Variants in LAMA2 observed in about 807,000 individuals in gnomAD.
LAMA2 encodes the protein laminin subunit alpha-2.
Under a neutral mutation model 364.8 loss-of-function variants are expected in LAMA2, and 269 were observed. That is an observed-to-expected ratio of 0.74 (90% CI 0.67 to 0.82). The LOEUF is 0.82. Ranked by LOEUF, LAMA2 falls within the 40% of genes least tolerant of loss-of-function variation. The pLI is 0.00. For synonymous variants in LAMA2, 1,379 were observed against 1,370.6 expected, an observed-to-expected ratio of 1.01 and a Z score of -0.14; for missense variants, 3,807 against 3,873.2, an observed-to-expected ratio of 0.98 and a Z score of 0.45.
chr6:129,012,613 A>C (rs1784833081), intron 1 of LAMA2, among the ~76,000 whole-genome samples: 1 of 152,202 alleles, frequency 6.6e-6, no homozygotes, highest in African/African-American at 2.4e-5. Context: ...GATTATGCAA[A>C]TAAAGTTTGC....
chr6:129,097,719 C>T (rs969190451), intron 3 of LAMA2, among the ~76,000 whole-genome samples: 2 of 152,254 alleles, frequency 1.3e-5, no homozygotes, highest in African/African-American at 4.8e-5. Flanking sequence ...ATACTAACTG[C>T]CTCTAAATGG....
intron 1 of LAMA2, among the ~76,000 whole-genome samples, chr6:128,918,338 G>A (rs1273059480): frequency 2.0e-5 from 3 of 152,004 alleles, no homozygotes; most frequent in Non-Finnish European, 4.4e-5. Context: ...AAACTTTTTA[G>A]GATGTATATA....
chr6:129,507,699 CTT>C lies in LAMA2; in HGVS notation c.8857+58_8857+59del, dbSNP rs1413752571. The stretch of plus-strand genomic sequence containing the variant: ...ATTAACTAGATACAAATACTAACTT[CTT>C]GCTAGTACCAAATAATAAAAGTTCC... On this transcript the variant is annotated intron_variant, in intron 62 of 64. Transcript: ENST00000421865. The C allele has an allele frequency of 2.7e-6, 4 of 1,507,830 alleles. No individual in the cohort carries two copies. In the African/African-American group the frequency reaches 5.5e-5, roughly 21 times the overall value. 93.4% of individuals were successfully genotyped at this position (1,507,830 alleles called of 1,614,324 possible).
chr6:129,512,239 A>G, intron 62 of LAMA2, 124 bp from the exon 63 acceptor site: 4 of 901,022 alleles, frequency 4.4e-6, no homozygotes, highest in Non-Finnish European at 6.9e-6. Flanking sequence ...TCTGAAACTT[A>G]TAGCCCTCAT....
intron 35 of LAMA2, among the ~76,000 whole-genome samples, chr6:129,388,005 C>T (rs1171844016): frequency 1.3e-5 from 2 of 152,118 alleles, no homozygotes; most frequent in African/African-American, 4.8e-5. Flanking sequence ...CTCCTGTAAT[C>T]CCAGTACTTT....
chr6:129,432,668 T>G (rs1781655949), intron 41 of LAMA2, among the ~76,000 whole-genome samples: 1 of 152,134 alleles, frequency 6.6e-6, no homozygotes, highest in African/African-American at 2.4e-5. Context: ...CTATTTGTCT[T>G]ATTTAAAGGT....
intron 12 of LAMA2, among the ~76,000 whole-genome samples, chr6:129,200,074 C>T (rs1583232840): frequency 6.9e-6 from 1 of 145,330 alleles, no homozygotes; most frequent in Admixed American, 6.9e-5. Context: ...GCGAGACCCT[C>T]TCCAAAAATA....
At chr6:129,240,066 G>T (rs1156440177) in intron 12 of LAMA2, among the ~76,000 whole-genome samples, 1 of 152,154 alleles carries the variant, frequency 6.6e-6, no homozygotes, top group Non-Finnish European at 1.5e-5. Flanking sequence ...GCAAATTACT[G>T]GTGTAAGTGC....
chr6:129,251,845 G>C (rs1786269279), intron 13 of LAMA2, among the ~76,000 whole-genome samples: 1 of 152,138 alleles, frequency 6.6e-6, no homozygotes, highest in African/African-American at 2.4e-5. Context: ...TGAGGCATGA[G>C]AATCGCTTGA....
chr6:129,122,517 A>T (rs1029626029), intron 4 of LAMA2, among the ~76,000 whole-genome samples: 6 of 152,218 alleles, frequency 3.9e-5, no homozygotes, highest in Non-Finnish European at 8.8e-5. Context: ...ACCCTGTATC[A>T]CTAGACAGAA....
chr6:129,469,402 C>CACCATGTAATTCTA (rs1457532462), intron 51 of LAMA2, among the ~76,000 whole-genome samples: 7 of 151,798 alleles, frequency 4.6e-5, no homozygotes, highest in African/African-American at 1.7e-4. Context: ...CATGTGATAC[C>CACCATGTAATTCTA]ATTACACAGC....
In LAMA2 at chr6:129,439,024, A is replaced by G. The variant is rs11154477; in HGVS notation, c.6085+262A>G. ...AGGAAGATATAGACATCTTATTATTATAAAACTCATCCTTCAGTATTGGCA... is the reference window on the plus strand; with the variant it reads ...AGGAAGATATAGACATCTTATTATTGTAAAACTCATCCTTCAGTATTGGCA... On this transcript the variant is annotated intron_variant, in intron 42 of 64. Coordinates refer to ENST00000421865, the MANE Select transcript of LAMA2 (RefSeq NM_000426.4). Among the ~76,000 whole-genome samples the G allele has an allele frequency of 0.43, 64,680 of 151,454 alleles. 13,922 individuals are homozygous for G. Among genetic ancestry groups the G allele is most frequent in the South Asian group, 0.47 (2,234 of 4,804 alleles).
chr6:129,515,285 G>A (rs1415700053), intron 64 of LAMA2, among the ~76,000 whole-genome samples: 2 of 152,152 alleles, frequency 1.3e-5, no homozygotes, highest in African/African-American at 2.4e-5. Context: ...AAGCTCCTTT[G>A]CTAAATGAAA....
intron 8 of LAMA2, among the ~76,000 whole-genome samples, chr6:129,160,528 C>A (rs932208665): frequency 1.3e-5 from 2 of 151,650 alleles, no homozygotes; most frequent in Non-Finnish European, 2.9e-5. Flanking sequence ...TAATCTTTTC[C>A]AAAAAAACTT....
At position 129,270,692 on chromosome 6, in the gene LAMA2, T is replaced by C. The variant is rs752092413; in HGVS notation, c.2391T>C (p.Thr797=). The C allele has an allele frequency of 6.2e-7, 1 of 1,613,164 alleles. No homozygotes were observed. Among genetic ancestry groups the C allele is most frequent in the Middle Eastern group, 1.7e-4 (1 of 6,052 alleles). The change falls in exon 17 of 65, where the codon ACT becomes ACC. Residue 797 remains threonine (T), a synonymous_variant. Transcript: ENST00000421865. ...KCLPGFYGEP[T]KGTSEDCQPC... ...TTCCTGGTTTCTATGGCGAGCCTAC[T>C]AAAGGAACCTCTGAAGACTGTCAAC...
At chr6:129,004,331 C>A (rs1582853603) in intron 1 of LAMA2, among the ~76,000 whole-genome samples, 2 of 54,910 alleles carry the variant, frequency 3.6e-5, no homozygotes, top group East Asian at 5.0e-4. Context: ...TGCAGCGCAC[C>A]AGCATGGCAC....
At chr6:129,443,310 G>A (rs369898782) in intron 44 of LAMA2, among the ~76,000 whole-genome samples, 5 of 152,254 alleles carry the variant, frequency 3.3e-5, no homozygotes, top group East Asian at 1.9e-4. Flanking sequence ...TTGGTCAGGC[G>A]AAGTGGCTCA....
chr6:128,962,445 A>C (rs1463972426), intron 1 of LAMA2, among the ~76,000 whole-genome samples: 1 of 151,824 alleles, frequency 6.6e-6, no homozygotes, highest in Non-Finnish European at 1.5e-5. Context: ...TGTGTGTCTC[A>C]CGTTTAGAGG....
At chr6:129,359,750 C>G (rs1419958984) in intron 32 of LAMA2, among the ~76,000 whole-genome samples, 1 of 148,930 alleles carries the variant, frequency 6.7e-6, no homozygotes, top group Non-Finnish European at 1.5e-5. Flanking sequence ...TGGTTAATAG[C>G]TTTCGCCCTT....
Sources: gnomAD v4.1 joint callset for allele counts (sites outside exome capture counted in the v4.1 genomes callset) on GRCh38, gnomAD v4.1.1 for gene constraint, MANE v1.5 for transcripts, NCBI Gene and HGNC (gene_info 2026-07-23, HGNC 2026-07-21) for gene names.